Variants in IQSEC1 observed in about 807,000 individuals in gnomAD.
IQSEC1 encodes the protein IQ motif and Sec7 domain ArfGEF 1.
In IQSEC1, 31 loss-of-function variants were observed where a neutral mutation model predicts 91.0. That is an observed-to-expected ratio of 0.34 (90% CI 0.26 to 0.46). The LOEUF is 0.46. IQSEC1 is among the 20% of genes least tolerant of loss of function. The probability of loss-of-function intolerance (pLI) is 1.00; values close to 1 mark genes in which losing one functional copy is unlikely to be tolerated. For missense variants in IQSEC1, 1,388 were observed against 1,575.6 expected (o/e 0.88, Z 2.02); for synonymous variants, 699 against 662.6 (o/e 1.05, Z -0.84).
In IQSEC1 at chr3:12,908,589, G is replaced by A; in HGVS notation, c.2579-64C>T. On this transcript the variant is annotated intron_variant, in intron 11 of 13. Coordinates refer to ENST00000613206, the MANE Select transcript of IQSEC1 (RefSeq NM_001134382.3). The surrounding 1 kb of genome is among the most constrained non-coding windows in gnomAD (Gnocchi z 4.9). ...CAGCCTAGAGTGGGCAGGAGACGGG[G>A]CCTTCTGCTTGGAGCTAGCACTGTC... is the stretch of plus-strand genomic sequence containing the variant. The A allele has an allele frequency of 1.3e-6, 2 of 1,559,906 alleles. No individual in the cohort carries two copies. The highest frequency in any genetic ancestry group is 1.8e-6 in the Non-Finnish European group (2 of 1,136,334).
chr3:13,120,287 G>A (rs1199632417), intron 2 of IQSEC1, among the ~76,000 whole-genome samples: 2 of 152,120 alleles, frequency 1.3e-5, no homozygotes, highest in African/African-American at 4.8e-5. Flanking sequence ...GACTGTCATT[G>A]CCCCCAGTTT....
intron 1 of IQSEC1, among the ~76,000 whole-genome samples, chr3:13,201,683 T>C (rs1188072355): frequency 6.6e-6 from 1 of 152,030 alleles, no homozygotes; most frequent in Non-Finnish European, 1.5e-5. Flanking sequence ...ACCCACGGGG[T>C]CACAGGCATG....
chr3:12,974,062 T>A (rs1245210040), intron 1 of IQSEC1, among the ~76,000 whole-genome samples: 1 of 152,152 alleles, frequency 6.6e-6, no homozygotes, highest in Non-Finnish European at 1.5e-5. Flanking sequence ...TGAGGATGCA[T>A]GGGAAAGACC....
Position 12,924,754 on chromosome 3 carries a change from C to T in IQSEC1, c.1569-12G>A, listed in dbSNP as rs77774458. 1,199 of 1,550,720 alleles carry T rather than the reference C, an allele frequency of 7.7e-4. 15 individuals are homozygous for T. The East Asian group carries it at 0.025, about 32-fold the overall frequency. ...CCTTCTCAGGCTTCCTGGGGTAGGACGAGAGGCACACTCAGTCCCAGCTGC... is the reference window on the plus strand; with the variant it reads ...CCTTCTCAGGCTTCCTGGGGTAGGATGAGAGGCACACTCAGTCCCAGCTGC... On this transcript the variant is annotated splice_polypyrimidine_tract_variant and intron_variant, in intron 3 of 13. Transcript: ENST00000613206. This position sits in a 1 kb window ranked among gnomAD's most constrained non-coding sequence, Gnocchi z 6.3.
chr3:12,978,841 C>T (rs1441657622), intron 1 of IQSEC1, among the ~76,000 whole-genome samples: 1 of 152,186 alleles, frequency 6.6e-6, no homozygotes, highest in African/African-American at 2.4e-5. Context: ...TCAGGGAAGG[C>T]TTCCTGTAGG....
intron 1 of IQSEC1, among the ~76,000 whole-genome samples, chr3:13,037,301 AT>A (rs530426758): frequency 9.0e-4 from 137 of 152,288 alleles, no homozygotes; most frequent in African/African-American, 2.8e-3. Context: ...CAAACCCTCC[AT>A]AAATGCCCGC....
intron 1 of IQSEC1, among the ~76,000 whole-genome samples, chr3:13,219,084 C>T (rs542716107): frequency 9.9e-5 from 15 of 152,284 alleles, no homozygotes; most frequent in Non-Finnish European, 1.8e-4. Context: ...GCAGCTGCCT[C>T]GGGCCCTTCT....
At chr3:12,966,560 T>C (rs938751361) in intron 1 of IQSEC1, among the ~76,000 whole-genome samples, 2 of 151,920 alleles carry the variant, frequency 1.3e-5, no homozygotes, top group Admixed American at 1.3e-4. Flanking sequence ...TCTCCCTTTC[T>C]CTCCATAAAC....
chr3:12,954,237 A>G (rs974707623), intron 1 of IQSEC1, among the ~76,000 whole-genome samples: 4 of 152,204 alleles, frequency 2.6e-5, no homozygotes, highest in African/African-American at 9.6e-5. Flanking sequence ...CTCTCACTCA[A>G]AGAGCCCAGG....
chr3:13,003,608 G>A (rs1702518119), intron 1 of IQSEC1, among the ~76,000 whole-genome samples: 1 of 152,194 alleles, frequency 6.6e-6, no homozygotes, highest in South Asian at 2.1e-4. Context: ...TAAAATGAGT[G>A]AATTTCATAG....
rs1190160762 is a variant in IQSEC1, at chr3:12,924,828, C to T, written c.1569-86G>A. The T allele has an allele frequency of 6.9e-5, 89 of 1,287,610 alleles. No homozygotes were observed. Among genetic ancestry groups the T allele is most frequent in the South Asian group, 6.0e-5 (4 of 66,742 alleles). The allele number at this position is 1,287,610 out of a possible 1,614,324, so 79.8% of individuals were successfully genotyped here. A position where few individuals can be genotyped will look rare whatever the true frequency, so the allele number is the denominator to read the frequency against. On this transcript the variant is annotated intron_variant, in intron 3 of 13. Transcript: ENST00000613206. This position sits in a 1 kb window ranked among gnomAD's most constrained non-coding sequence, Gnocchi z 6.3. ...AGGGGATCTCCGCTCAGTGGACGGT[C>T]GACATTCTCCCTCCCTGCCCACCTG...
At chr3:12,932,186 G>A (rs1409374376) in intron 3 of IQSEC1, among the ~76,000 whole-genome samples, 1 of 152,184 alleles carries the variant, frequency 6.6e-6, no homozygotes, top group Non-Finnish European at 1.5e-5. Flanking sequence ...GGGTTCCAAT[G>A]CGGAGGTGAC....
At chr3:13,210,310 G>A (rs1371289590) in intron 1 of IQSEC1, among the ~76,000 whole-genome samples, 1 of 151,074 alleles carries the variant, frequency 6.6e-6, no homozygotes. Context: ...CCTTATCCTC[G>A]GGTGCCCTCC....
In IQSEC1 at chr3:13,193,933, G is replaced by A. The variant is rs1341662114; in HGVS notation, c.273-29800C>T. On this transcript the variant is annotated intron_variant, in intron 1 of 15. Transcript: ENST00000648114. This position sits in a 1 kb window ranked among gnomAD's most constrained non-coding sequence, Gnocchi z 4.2. ...CAAGCTTGGTTTCCTCACAGCTCTG[G>A]AGCCTGGAATTCGGAAAGCAAGGCT... Among the ~76,000 whole-genome samples, 8 of 152,320 alleles carry A rather than the reference G, an allele frequency of 5.3e-5. No individual in the cohort carries two copies. The East Asian group carries it at 1.5e-3, about 29-fold the overall frequency.
intron 1 of IQSEC1, among the ~76,000 whole-genome samples, chr3:12,951,754 C>A (rs1699564337): frequency 6.6e-6 from 1 of 152,138 alleles, no homozygotes; most frequent in Non-Finnish European, 1.5e-5. Context: ...CCCTGGCAGG[C>A]AGGGTTTGGA....
intron 1 of IQSEC1, chr3:13,022,219 C>T (rs890762330): frequency 3.3e-6 from 4 of 1,229,296 alleles, no homozygotes; most frequent in Non-Finnish European, 4.1e-6. Context: ...CTTCCTTCTT[C>T]ATGGTAGGAA....
intron 1 of IQSEC1, among the ~76,000 whole-genome samples, chr3:12,999,803 C>A (rs1320148519): frequency 6.6e-6 from 1 of 152,222 alleles, no homozygotes; most frequent in Non-Finnish European, 1.5e-5. Flanking sequence ...CATTCAAGCT[C>A]CTGTACTTTC....
intron 1 of IQSEC1, among the ~76,000 whole-genome samples, chr3:12,968,011 C>T (rs991949122): frequency 2.0e-5 from 3 of 152,196 alleles, no homozygotes; most frequent in Admixed American, 1.3e-4. Flanking sequence ...TCCCAGCGCG[C>T]GAAGCCTCTG....
In IQSEC1 at chr3:13,073,176, T is replaced by TGGGG; in HGVS notation, c.-166_-163dup. ...GGGTGGCGGGCTCCTCCAGGGAGGC[T>TGGGG]GGGGCGGGAGCGGGGGGCGGCGCCA... On this transcript the variant is annotated 5_prime_UTR_variant, in exon 1 of 14. Transcript: ENST00000613206. The TGGGG allele has an allele frequency of 1.7e-5, 7 of 416,044 alleles. No individual in the cohort carries two copies. The highest frequency in any genetic ancestry group is 1.2e-4 in the East Asian group (2 of 16,274). The allele number at this position is 416,044 out of a possible 1,614,324, so 25.8% of individuals were successfully genotyped here. A position where few individuals can be genotyped will look rare whatever the true frequency, so the allele number is the denominator to read the frequency against.
Sources: allele counts gnomAD v4.1 joint callset (sites outside exome capture counted in the v4.1 genomes callset), GRCh38; gene constraint gnomAD v4.1.1; non-coding constraint Gnocchi (gnomAD v3.1); transcripts MANE v1.5; gene names NCBI Gene and HGNC (gene_info 2026-07-23, HGNC 2026-07-21).